TTLL7: variants seen among roughly 807,000 people sequenced by gnomAD.
TTLL7 encodes tubulin tyrosine ligase like 7.
A neutral mutation model predicts 120.2 loss-of-function variants in TTLL7; 53 were observed. The ratio of observed to expected loss-of-function variants is 0.44; its 90% confidence interval spans 0.35 to 0.55. The LOEUF is 0.55. Among genes scored for constraint, TTLL7 ranks in the 20% least tolerant of loss-of-function variants. The pLI is 0.00. For missense variants in TTLL7, 803 were observed against 1,054.7 expected (o/e 0.76, Z 3.31); for synonymous variants, 353 against 351.7 (o/e 1.00, Z -0.04).
chr1:83,890,602 T>C, intron 18 of TTLL7, 121 bp from the exon 19 acceptor site: 1 of 666,740 alleles, frequency 1.5e-6, no homozygotes, highest in Non-Finnish European at 2.4e-6. Flanking sequence ...AACCTGTCTC[T>C]ACAAAACTGT....
Position 83,907,626 on chromosome 1 carries a change from T to A in TTLL7, c.1822A>T (p.Ile608Phe). ...CCACTGGAAGGTGATTGAGCAGAGATGGACCGAGGGCAGCTGACTGAACGT... is the reference window on the plus strand; with the variant it reads ...CCACTGGAAGGTGATTGAGCAGAGAAGGACCGAGGGCAGCTGACTGAACGT... ...IRRSVSCPRSISAQSPSSGDT... is the reference protein window; with the variant it reads ...IRRSVSCPRSFSAQSPSSGDT... The change falls in exon 16 of 21, where the codon ATC (isoleucine) becomes TTC (phenylalanine). Residue 608 changes from isoleucine to phenylalanine, a missense_variant. By Grantham distance (21) the Ile-to-Phe change is conservative. Coordinates refer to ENST00000260505, the MANE Select transcript of TTLL7 (RefSeq NM_024686.6). 6.2e-7 allele frequency: 1 copy of A among 1,613,040 alleles called. No homozygotes were observed. The highest frequency in any genetic ancestry group is 8.5e-7 in the Non-Finnish European group (1 of 1,179,470).
intron 18 of TTLL7, among the ~76,000 whole-genome samples, chr1:83,899,181 A>G (rs1656497877): frequency 6.6e-6 from 1 of 151,964 alleles, no homozygotes; most frequent in Non-Finnish European, 1.5e-5. Flanking sequence ...AAGGGGAAGA[A>G]TGTCATCACA....
At chr1:83,932,786 A>G (rs1339019564) in intron 9 of TTLL7, among the ~76,000 whole-genome samples, 2 of 152,146 alleles carry the variant, frequency 1.3e-5, no homozygotes, top group African/African-American at 2.4e-5. Context: ...CTACAGCTGT[A>G]TGTTCCTGAT....
intron 16 of TTLL7, 95 bp downstream of exon 16, chr1:83,907,361 G>T: frequency 1.9e-6 from 2 of 1,080,398 alleles, no homozygotes. Flanking sequence ...ATTATGGAAA[G>T]GATCTGAGGT....
chr1:83,890,588 T>C, intron 18 of TTLL7, 107 bp from the exon 19 acceptor site: 1 of 804,302 alleles, frequency 1.2e-6, no homozygotes, highest in Admixed American at 2.9e-5. Context: ...GGCAATATAG[T>C]GAGAACCTGT....
chr1:83,899,487 A>G (rs1237859540), intron 18 of TTLL7, among the ~76,000 whole-genome samples: 1 of 151,976 alleles, frequency 6.6e-6, no homozygotes, highest in Non-Finnish European at 1.5e-5. Context: ...TGCTGTAGTT[A>G]AGACCAGCCC....
chr1:83,889,837 A>G (rs1011010988), intron 19 of TTLL7: 2 of 442,468 alleles, frequency 4.5e-6, no homozygotes, highest in Admixed American at 2.4e-5. Flanking sequence ...AGGAAGATGC[A>G]GATGCCCCTG....
intron 3 of TTLL7, among the ~76,000 whole-genome samples, chr1:83,951,383 A>G: frequency 6.6e-6 from 1 of 152,166 alleles, no homozygotes; most frequent in East Asian, 1.9e-4. Flanking sequence ...TGTGTTACTT[A>G]AATTTGGGTA....
At chr1:83,882,279 A>G (rs1346117785) in intron 20 of TTLL7, among the ~76,000 whole-genome samples, 1 of 148,866 alleles carries the variant, frequency 6.7e-6, no homozygotes, top group East Asian at 2.0e-4. Context: ...ATTAAATAAA[A>G]CAATAAAAAT....
intron 18 of TTLL7, among the ~76,000 whole-genome samples, chr1:83,892,214 ATG>A (rs1308785052): frequency 1.4e-5 from 2 of 143,318 alleles, no homozygotes; most frequent in Non-Finnish European, 3.1e-5. Context: ...ACACATATAT[ATG>A]AATATATATG....
chr1:83,912,258 C>T (rs764961813), intron 14 of TTLL7, among the ~76,000 whole-genome samples: 10 of 152,110 alleles, frequency 6.6e-5, no homozygotes, highest in Admixed American at 3.3e-4. Context: ...CATGCTGTTA[C>T]GTGTTACCAT....
At chr1:83,949,185 C>G (rs1338479010) in intron 4 of TTLL7, 2 of 152,482 alleles carry the variant, frequency 1.3e-5, no homozygotes, top group African/African-American at 2.4e-5. Context: ...GTATTATGTT[C>G]TAAAAATAAA....
rs1449262705 is a variant in TTLL7 at position 83,868,437 on chromosome 1, G to C, written c.*1525C>G. The C allele has an allele frequency of 6.6e-6, 1 of 152,126 alleles. No individual in the cohort carries two copies. Among genetic ancestry groups the C allele is most frequent in the Non-Finnish European group, 1.5e-5 (1 of 68,004 alleles). The allele number at this position is 152,126 out of a possible 1,614,324, so 9.4% of individuals were successfully genotyped here. ...GTTTTAAAAACTGTATTCAAGAAAAGGAAGTAAACTGCTATGAAACTTATG... is the reference window on the plus strand; with the variant it reads ...GTTTTAAAAACTGTATTCAAGAAAACGAAGTAAACTGCTATGAAACTTATG... On this transcript the variant is annotated 3_prime_UTR_variant, in exon 21 of 21. Coordinates refer to ENST00000260505, the MANE Select transcript of TTLL7 (RefSeq NM_024686.6).
At chr1:83,889,980 A>G (rs376537598) in intron 19 of TTLL7, 15 of 471,644 alleles carry the variant, frequency 3.2e-5, no homozygotes, top group African/African-American at 2.6e-4. Flanking sequence ...AATGAGTCAC[A>G]GCAGCTTTAG....
intron 20 of TTLL7, among the ~76,000 whole-genome samples, chr1:83,876,415 C>G (rs190034067): frequency 6.6e-6 from 1 of 151,948 alleles, no homozygotes; most frequent in African/African-American, 2.4e-5. Context: ...TATTCTTGGT[C>G]CTTTGCTTTT....
At chr1:83,910,732 A>G (rs189792030) in intron 15 of TTLL7, among the ~76,000 whole-genome samples, 1 of 152,270 alleles carries the variant, frequency 6.6e-6, no homozygotes, top group East Asian at 1.9e-4. Flanking sequence ...TTACAGATAC[A>G]TTCAAGTCAA....
chr1:83,952,789 G>A (rs1427907266), intron 1 of TTLL7, among the ~76,000 whole-genome samples: 1 of 152,124 alleles, frequency 6.6e-6, no homozygotes. Flanking sequence ...GCTTAGAAAG[G>A]ACAAATTATT....
chr1:83,944,212 A>G (rs1210805531), intron 6 of TTLL7, among the ~76,000 whole-genome samples: 1 of 152,180 alleles, frequency 6.6e-6, no homozygotes, highest in Non-Finnish European at 1.5e-5. Context: ...GAAGGAGAGA[A>G]GACAAAGAAA....
At chr1:83,885,674 T>G (rs1444017371) in intron 19 of TTLL7, among the ~76,000 whole-genome samples, 2 of 152,060 alleles carry the variant, frequency 1.3e-5, no homozygotes, top group Non-Finnish European at 2.9e-5. Context: ...CTGCTTCATC[T>G]GGCCCTAGGG....
Sources: gnomAD v4.1 joint callset for allele counts (sites outside exome capture counted in the v4.1 genomes callset) on GRCh38, gnomAD v4.1.1 for gene constraint, MANE v1.5 for transcripts, NCBI Gene and HGNC (gene_info 2026-07-23, HGNC 2026-07-21) for gene names.